Variants in WDR86 observed in about 807,000 individuals in gnomAD.
WDR86 encodes WD repeat domain 86, also known as WD repeat-containing protein 86.
In WDR86, 30 loss-of-function variants were observed where a neutral mutation model predicts 36.5. The ratio of observed to expected loss-of-function variants is 0.82; its 90% CI spans 0.61 to 1.11. The LOEUF is 1.11. WDR86 is among the 50% of genes most tolerant of loss of function. WDR86 has a pLI of 0.00. For missense variants in WDR86, 545 were observed against 561.2 expected (o/e 0.97, Z 0.29); for synonymous variants, 255 against 252.9 (o/e 1.01, Z -0.08).
At chr7:151,374,416 C>T (rs1165233640), downstream of WDR86, 1 of 818,974 alleles carries the variant, frequency 1.2e-6, no homozygotes, top group Non-Finnish European at 2.0e-6. Flanking sequence ...CTGCGTGAGG[C>T]CACGTGAGGC....
At chr7:151,382,872 T>C (rs1170261345) in intron 4 of WDR86, among the ~76,000 whole-genome samples, 1 of 151,944 alleles carries the variant, frequency 6.6e-6, no homozygotes, top group African/African-American at 2.4e-5. Flanking sequence ...GCAGCTATGG[T>C]GCAAGCCTGC....
chr7:151,404,262 C>A (rs1234622022), intron 1 of WDR86, among the ~76,000 whole-genome samples: 1 of 152,250 alleles, frequency 6.6e-6, no homozygotes, highest in Non-Finnish European at 1.5e-5. Context: ...CTGGGCCAGG[C>A]TGCCCTGATG....
intron 4 of WDR86, among the ~76,000 whole-genome samples, chr7:151,384,612 C>A (rs1269302199): frequency 6.6e-6 from 1 of 152,200 alleles, no homozygotes; most frequent in Non-Finnish European, 1.5e-5. Flanking sequence ...TGTGGAGCCA[C>A]CCATTCCAGC....
At chr7:151,383,618 G>A (rs1012866549) in intron 4 of WDR86, among the ~76,000 whole-genome samples, 1 of 152,182 alleles carries the variant, frequency 6.6e-6, no homozygotes, top group Non-Finnish European at 1.5e-5. Flanking sequence ...TGCCCAGCCT[G>A]TTCCAGCCTT....
intron 1 of WDR86, among the ~76,000 whole-genome samples, chr7:151,402,070 AATATATATATAT>A (rs748373598): frequency 4.0e-5 from 2 of 50,558 alleles, no homozygotes; most frequent in African/African-American, 1.2e-4. Context: ...AAAAAAAAAA[AATATATATATAT>A]ATATATATAT....
At chr7:151,389,791 G>A (rs115124245) in intron 3 of WDR86, among the ~76,000 whole-genome samples, 2,340 of 152,288 alleles carry the variant, frequency 0.015, 72 homozygotes, top group African/African-American at 0.054. Flanking sequence ...AAGGAGATGA[G>A]GTGTCATAGA....
intron 1 of WDR86, among the ~76,000 whole-genome samples, chr7:151,403,655 T>C (rs1209421803): frequency 6.6e-6 from 1 of 152,226 alleles, no homozygotes; most frequent in Non-Finnish European, 1.5e-5. Flanking sequence ...TTGAAGAAAC[T>C]GCAGATTCTG....
In WDR86 at chr7:151,409,752, A is replaced by G. The variant is rs1274146998; in HGVS notation, c.-163T>C. ...CGGCGAGGGGAGGGTGAAGGACCCT[A>G]GCTCCCCGCTGCCTCCAGCCTCTGG... On this transcript the variant is annotated 5_prime_UTR_variant, in exon 1 of 6. Transcript: ENST00000334493. The surrounding 1 kb of genome is among the most constrained non-coding windows in gnomAD (Gnocchi z 5.2). The G allele has an allele frequency of 1.6e-6, 2 of 1,286,638 alleles. No individual in the cohort carries two copies. Among genetic ancestry groups the G allele is most frequent in the South Asian group, 2.6e-5 (1 of 37,786 alleles). 79.7% of individuals were successfully genotyped at this position (1,286,638 alleles called of 1,614,324 possible).
downstream of WDR86, chr7:151,376,604 T>C (rs369981478): frequency 1.6e-5 from 25 of 1,570,926 alleles, no homozygotes; most frequent in Non-Finnish European, 2.1e-5. Context: ...CGCCAGGGGC[T>C]GATGCTGTGA....
At chr7:151,373,177 C>T (rs1285365972), downstream of WDR86, among the ~76,000 whole-genome samples, 1 of 152,170 alleles carries the variant, frequency 6.6e-6, no homozygotes, top group South Asian at 2.1e-4. Context: ...CCCCCGTCCT[C>T]GCTGCTGCTG....
chr7:151,385,296 G>C lies in WDR86; in HGVS notation c.727-73C>G, dbSNP rs537784173. The C allele has an allele frequency of 5.3e-4, 839 of 1,590,652 alleles. 10 individuals carry two copies. The African/African-American group carries it at 0.01, about 19-fold the overall frequency. ...CCCCCAGACCTCTCCCTCTATAAGG[G>C]GGGAAGGGGCATGTGCAGGTCTCAG... On this transcript the variant is annotated intron_variant, in intron 3 of 5. Coordinates refer to ENST00000334493, the MANE Select transcript of WDR86 (RefSeq NM_198285.3).
Position 151,397,782 on chromosome 7 carries a change from A to AAG in WDR86, c.306-1588_306-1587dup, listed in dbSNP as rs773815792. On this transcript the variant is annotated intron_variant, in intron 2 of 5. Transcript: ENST00000334493. ...GGGAGGAAGAGGGCGTAGCAGGAGG[A>AAG]AGGGCATAGCGGGAGGAAGGGCATA... Among the ~76,000 whole-genome samples the AAG allele has an allele frequency of 2.6e-3, 107 of 41,622 alleles. 1 individual carries two copies. Among genetic ancestry groups the AAG allele is most frequent in the African/African-American group, 3.5e-3 (40 of 11,282 alleles). 27.3% of individuals were successfully genotyped at this position (41,622 alleles called of 152,430 possible).
chr7:151,385,926 C>G (rs960755289), intron 3 of WDR86, among the ~76,000 whole-genome samples: 1 of 152,192 alleles, frequency 6.6e-6, no homozygotes, highest in African/African-American at 2.4e-5. Flanking sequence ...AGACTAAACA[C>G]CACCCAGCCA....
At chr7:151,389,431 A>G (rs1171058571) in intron 3 of WDR86, among the ~76,000 whole-genome samples, 1 of 152,126 alleles carries the variant, frequency 6.6e-6, no homozygotes, top group Admixed American at 6.5e-5. Flanking sequence ...GCTCAAACGC[A>G]CCATCGCCGG....
downstream of WDR86, among the ~76,000 whole-genome samples, chr7:151,380,073 G>C (rs997838227): frequency 2.0e-5 from 3 of 152,234 alleles, no homozygotes; most frequent in African/African-American, 7.2e-5. Flanking sequence ...CCCGAGGTCT[G>C]TGTGTGCTTA....
At chr7:151,374,546 G>A (rs1798118347), downstream of WDR86, 1 of 450,792 alleles carries the variant, frequency 2.2e-6, no homozygotes, top group African/African-American at 2.0e-5. Context: ...TAGTGAAACA[G>A]GCAGTTTCCA....
At chr7:151,385,953 G>A (rs908245364) in intron 3 of WDR86, among the ~76,000 whole-genome samples, 5 of 152,182 alleles carry the variant, frequency 3.3e-5, no homozygotes, top group African/African-American at 1.2e-4. Flanking sequence ...CTCCCAGCCA[G>A]CACCTCTGGT....
Position 151,406,209 on chromosome 7 carries a change from C to T in WDR86, c.163+3218G>A, listed in dbSNP as rs1452305181. ...CCCCACACGCCGGTTCTGCAGCCCACTCTCCCTGGGGCCTCCGGGAGCAGC... is the reference window on the plus strand; with the variant it reads ...CCCCACACGCCGGTTCTGCAGCCCATTCTCCCTGGGGCCTCCGGGAGCAGC... On this transcript the variant is annotated intron_variant, in intron 1 of 5. Coordinates refer to ENST00000334493, the MANE Select transcript of WDR86 (RefSeq NM_198285.3). This position sits in a 1 kb window ranked among gnomAD's most constrained non-coding sequence, Gnocchi z 4.4. Among the ~76,000 whole-genome samples the T allele has an allele frequency of 1.3e-5, 2 of 152,220 alleles. No homozygotes were observed. The highest frequency in any genetic ancestry group is 2.9e-5 in the Non-Finnish European group (2 of 68,046).
rs1337225548 is a variant in WDR86, at chr7:151,385,310, T to G, written c.727-87A>C. 2.5e-6 allele frequency: 4 copies of G among 1,570,718 alleles called. No homozygotes were observed. The South Asian group carries it at 3.5e-5, about 14-fold the overall frequency. On this transcript the variant is annotated intron_variant, in intron 3 of 5. Coordinates refer to ENST00000334493, the MANE Select transcript of WDR86 (RefSeq NM_198285.3). ...CCTCTATAAGGGGGGAAGGGGCATG[T>G]GCAGGTCTCAGTGGTGAAACCATGG...
Sources: gnomAD v4.1 joint callset for allele counts (sites outside exome capture counted in the v4.1 genomes callset) on GRCh38, gnomAD v4.1.1 for gene constraint, Gnocchi (gnomAD v3.1) non-coding constraint, MANE v1.5 for transcripts, NCBI Gene and HGNC (gene_info 2026-07-23, HGNC 2026-07-21) for gene names.